SPAG16: variants seen among roughly 807,000 people sequenced by gnomAD.
SPAG16 encodes the protein sperm associated antigen 16, also known as sperm-associated antigen 16 protein.
A neutral mutation model predicts 80.4 loss-of-function variants in SPAG16; 86 were observed. The observed-to-expected ratio is 1.07, with a 90% CI of 0.90 to 1.28. The LOEUF (loss-of-function observed/expected upper bound fraction) is 1.28, where lower values mean the gene tolerates loss of function less well. SPAG16 is among the 50% of genes most tolerant of loss of function. The probability of loss-of-function intolerance (pLI) is 0.00; values close to 1 mark genes in which losing one functional copy is unlikely to be tolerated. For missense variants in SPAG16, 870 were observed against 765.3 expected, an observed-to-expected ratio of 1.14 and a Z score of -1.61; for synonymous variants, 294 against 265.9, an observed-to-expected ratio of 1.11 and a Z score of -1.03.
rs187755264 is a variant in SPAG16 at position 213,890,517 on chromosome 2, T to C, written c.1214+27889T>C. Among the ~76,000 whole-genome samples, 38 of 152,190 alleles carry C rather than the reference T, an allele frequency of 2.5e-4. 1 individual carries two copies. The highest frequency in any genetic ancestry group is 1.5e-5 in the Non-Finnish European group (1 of 67,938). ...AATGGGAAAAAAGTGTTTCCATTGTTTGCTTTCTTATTTCAAATATCTTTA... is the reference window on the plus strand; with the variant it reads ...AATGGGAAAAAAGTGTTTCCATTGTCTGCTTTCTTATTTCAAATATCTTTA... On this transcript the variant is annotated intron_variant, in intron 11 of 15. Coordinates refer to ENST00000331683, the MANE Select transcript of SPAG16 (RefSeq NM_024532.5).
intron 13 of SPAG16, among the ~76,000 whole-genome samples, chr2:214,045,725 GT>G (rs1161262265): frequency 2.0e-5 from 3 of 152,106 alleles, no homozygotes; most frequent in African/African-American, 7.2e-5. Flanking sequence ...TAAGAGGCAA[GT>G]TTATAGCTTT....
At chr2:213,994,894 C>A (rs921597123) in intron 12 of SPAG16, among the ~76,000 whole-genome samples, 37 of 152,128 alleles carry the variant, frequency 2.4e-4, no homozygotes, top group Non-Finnish European at 4.0e-4. Context: ...ATTTTTCCAC[C>A]AGCTCACTAT....
At chr2:213,426,960 TG>T (rs1484319814) in intron 9 of SPAG16, among the ~76,000 whole-genome samples, 1 of 151,970 alleles carries the variant, frequency 6.6e-6, no homozygotes, top group Non-Finnish European at 1.5e-5. Flanking sequence ...CTTATGTGAA[TG>T]GAGTTAACTA....
chr2:213,439,889 A>G (rs947664381), intron 9 of SPAG16, among the ~76,000 whole-genome samples: 3 of 152,372 alleles, frequency 2.0e-5, no homozygotes, highest in Non-Finnish European at 4.4e-5. Context: ...ACAAAATGCC[A>G]TTTACAATTA....
intron 10 of SPAG16, among the ~76,000 whole-genome samples, chr2:213,500,181 A>G (rs1034969001): frequency 6.6e-6 from 1 of 152,194 alleles, no homozygotes; most frequent in Non-Finnish European, 1.5e-5. Context: ...TTCATGGGGA[A>G]ACTCAGTAAC....
intron 13 of SPAG16, among the ~76,000 whole-genome samples, chr2:214,068,533 G>C (rs756020403): frequency 6.6e-6 from 1 of 152,032 alleles, no homozygotes; most frequent in Non-Finnish European, 1.5e-5. Context: ...GTCTGACTCA[G>C]AGCTTTTCCT....
rs142252479 is a variant in SPAG16 at position 214,112,876 on chromosome 2, G to C, written c.1593+4615G>C. On this transcript the variant is annotated intron_variant, in intron 14 of 15. Coordinates refer to ENST00000331683, the MANE Select transcript of SPAG16 (RefSeq NM_024532.5). ...TGATCCTGTCTTTATGATGTTAGCT[G>C]GTTATTTTGCCCATTAATTGATGCA... is the stretch of plus-strand genomic sequence containing the variant. 7.9e-3 allele frequency among the ~76,000 whole-genome samples: 1,197 copies of C among 152,134 alleles called. 13 individuals carry two copies. The highest frequency in any genetic ancestry group is 0.012 in the Admixed American group (182 of 15,294).
chr2:214,167,076 T>G (rs2056685309), intron 15 of SPAG16, among the ~76,000 whole-genome samples: 1 of 152,180 alleles, frequency 6.6e-6, no homozygotes, highest in South Asian at 2.1e-4. Context: ...TTATACCTAA[T>G]GGAAGTTAAT....
At chr2:213,553,850 T>C (rs576795469) in intron 10 of SPAG16, among the ~76,000 whole-genome samples, 60 of 152,308 alleles carry the variant, frequency 3.9e-4, no homozygotes, top group African/African-American at 1.4e-3. Context: ...CTCAGGGCCA[T>C]TTTAACTCTG....
At chr2:213,834,143 A>G (rs1274354993) in intron 10 of SPAG16, among the ~76,000 whole-genome samples, 2 of 151,990 alleles carry the variant, frequency 1.3e-5, no homozygotes, top group East Asian at 3.9e-4. Flanking sequence ...AGTGCCTTTC[A>G]CCTTCCACCA....
intron 14 of SPAG16, among the ~76,000 whole-genome samples, chr2:214,113,372 G>C (rs551234354): frequency 6.6e-6 from 1 of 152,284 alleles, no homozygotes; most frequent in African/African-American, 2.4e-5. Flanking sequence ...TGAATGCCTT[G>C]CTAGGTTGGG....
chr2:213,599,827 G>A (rs975305304), intron 10 of SPAG16, among the ~76,000 whole-genome samples: 5 of 152,018 alleles, frequency 3.3e-5, no homozygotes, highest in African/African-American at 1.2e-4. Context: ...TCAGCATCCC[G>A]AGTAGCTGGG....
At chr2:214,127,459 G>GTGAGCTGAGTTACAGGT (rs1367220026) in intron 14 of SPAG16, among the ~76,000 whole-genome samples, 12 of 151,796 alleles carry the variant, frequency 7.9e-5, no homozygotes, top group Non-Finnish European at 2.9e-5. Context: ...CAGAGTGGGA[G>GTGAGCTGAGTTACAGGT]TGAGCTGAGT....
At chr2:214,195,588 G>A (rs1249904558) in intron 15 of SPAG16, among the ~76,000 whole-genome samples, 3 of 151,948 alleles carry the variant, frequency 2.0e-5, no homozygotes, top group Non-Finnish European at 4.4e-5. Context: ...GATTAGAGAT[G>A]GGAGTGCAGA....
chr2:214,032,207 T>G (rs2048450342), intron 13 of SPAG16, among the ~76,000 whole-genome samples: 1 of 152,184 alleles, frequency 6.6e-6, no homozygotes. Context: ...GACACTTTAA[T>G]GAAGTTGCTC....
intron 3 of SPAG16, among the ~76,000 whole-genome samples, chr2:213,303,835 A>G (rs1489350539): frequency 2.0e-5 from 3 of 152,170 alleles, no homozygotes; most frequent in African/African-American, 7.2e-5. Context: ...GTGCTGAGAT[A>G]AACACAATAG....
At chr2:213,904,407 T>C (rs1388125280) in intron 11 of SPAG16, among the ~76,000 whole-genome samples, 1 of 151,892 alleles carries the variant, frequency 6.6e-6, no homozygotes, top group African/African-American at 2.4e-5. Flanking sequence ...CGGAAACCCA[T>C]AATGAGACCA....
At chr2:213,540,962 T>C (rs2076424911) in intron 10 of SPAG16, among the ~76,000 whole-genome samples, 1 of 152,190 alleles carries the variant, frequency 6.6e-6, no homozygotes, top group Non-Finnish European at 1.5e-5. Flanking sequence ...TGCGCGTGCA[T>C]GTGTGTGTGC....
At position 213,781,490 on chromosome 2, in the gene SPAG16, T is replaced by C. The variant is rs575009405; in HGVS notation, c.1071-80995T>C. Among the ~76,000 whole-genome samples the C allele has an allele frequency of 4.6e-5, 7 of 152,280 alleles. No homozygotes were observed. The South Asian group carries it at 1.4e-3, about 32-fold the overall frequency. Reference sequence around the variant, plus strand: ...GCTCTGCTATCTAGAGTGCTCATTCTCCTAACCCCTCCCCTGCCCATACTT... The same window carrying C: ...GCTCTGCTATCTAGAGTGCTCATTCCCCTAACCCCTCCCCTGCCCATACTT... On this transcript the variant is annotated intron_variant, in intron 10 of 15. Coordinates refer to ENST00000331683, the MANE Select transcript of SPAG16 (RefSeq NM_024532.5).
Sources: allele counts gnomAD v4.1 joint callset (sites outside exome capture counted in the v4.1 genomes callset), GRCh38; gene constraint gnomAD v4.1.1; transcripts MANE v1.5; gene names NCBI Gene and HGNC (gene_info 2026-07-23, HGNC 2026-07-21).